CRPPA: variants seen among roughly 807,000 people sequenced by gnomAD.
CRPPA encodes the protein CDP-L-ribitol pyrophosphorylase A.
Under a neutral mutation model 52.0 loss-of-function variants are expected in CRPPA, and 43 were observed. The ratio of observed to expected loss-of-function variants is 0.83; its 90% CI spans 0.65 to 1.07. The LOEUF is 1.07. CRPPA is among the 50% of genes least tolerant of loss of function. The pLI is 0.00. For missense variants in CRPPA, 629 were observed against 551.7 expected, an observed-to-expected ratio of 1.14 and a Z score of -1.40; for synonymous variants, 250 against 203.5, an observed-to-expected ratio of 1.23 and a Z score of -1.94.
At chr7:16,161,233 G>A (rs1014140211) in intron 9 of CRPPA, among the ~76,000 whole-genome samples, 1 of 152,170 alleles carries the variant, frequency 6.6e-6, no homozygotes, top group Non-Finnish European at 1.5e-5. Context: ...GAATAGGAGT[G>A]GTGAGAGAGG....
At chr7:16,170,848 C>G (rs1781167382) in intron 9 of CRPPA, among the ~76,000 whole-genome samples, 1 of 152,220 alleles carries the variant, frequency 6.6e-6, no homozygotes, top group Non-Finnish European at 1.5e-5. Flanking sequence ...TTGCGCAGCG[C>G]CGGCAGCCGC....
intron 2 of CRPPA, among the ~76,000 whole-genome samples, chr7:16,389,822 G>A (rs1034037927): frequency 2.7e-5 from 4 of 149,072 alleles, no homozygotes; most frequent in Non-Finnish European, 5.9e-5. Flanking sequence ...CAGATTGCAT[G>A]ATCCTGTATA....
rs1196919795 is a variant in CRPPA, at chr7:16,421,170, C to T, written c.153G>A (p.Leu51=). Reference sequence around the variant, plus strand: ...TCCTCTCCCCGCACCCCCCGGCAGGCAACACAGCTGCCACGGCTTGCGGGT... The same window carrying T: ...TCCTCTCCCCGCACCCCCCGGCAGGTAACACAGCTGCCACGGCTTGCGGGT... ...GRHPQAVAAV[L]PAGGCGERMG... Residue 51 remains leucine, a synonymous_variant, in exon 1 of 10, where the codon TTG becomes TTA. Transcript: ENST00000407010. The T allele has an allele frequency of 7.5e-7, 1 of 1,339,830 alleles. No homozygotes were observed. The highest frequency in any genetic ancestry group is 3.1e-5 in the East Asian group (1 of 32,264). The allele number at this position is 1,339,830 out of a possible 1,614,324, so 83.0% of individuals were successfully genotyped here.
At chr7:16,250,393 G>A (rs370866628) in intron 8 of CRPPA, among the ~76,000 whole-genome samples, 11 of 152,170 alleles carry the variant, frequency 7.2e-5, no homozygotes, top group African/African-American at 1.7e-4. Flanking sequence ...CGTATTCCTC[G>A]AAAAGAGCAA....
chr7:16,248,794 A>T (rs1041555349), intron 8 of CRPPA, among the ~76,000 whole-genome samples: 6 of 152,088 alleles, frequency 3.9e-5, no homozygotes, highest in Admixed American at 2.0e-4. Context: ...GGGTCAGGGG[A>T]TTTCCCTTTC....
intron 9 of CRPPA, among the ~76,000 whole-genome samples, chr7:16,206,925 C>A (rs1781988164): frequency 6.6e-6 from 1 of 152,102 alleles, no homozygotes; most frequent in African/African-American, 2.4e-5. Flanking sequence ...TTAAAGTATA[C>A]TTCCTTACCA....
chr7:16,224,668 AC>A (rs1782603567), intron 8 of CRPPA, among the ~76,000 whole-genome samples: 1 of 152,156 alleles, frequency 6.6e-6, no homozygotes. Context: ...TGTTAATAAA[AC>A]CCAAAATCTT....
At chr7:16,398,997 C>A (rs977099923) in intron 2 of CRPPA, among the ~76,000 whole-genome samples, 2 of 152,228 alleles carry the variant, frequency 1.3e-5, no homozygotes, top group East Asian at 1.9e-4. Flanking sequence ...ATGTGATTGA[C>A]ACTTGACTGA....
chr7:16,414,350 A>AACACACACACACACAC (rs3085030), intron 1 of CRPPA, among the ~76,000 whole-genome samples: 3 of 138,658 alleles, frequency 2.2e-5, no homozygotes, highest in Non-Finnish European at 3.2e-5. Context: ...CCCCTACCCC[A>AACACACACACACACAC]ACACACACAC....
chr7:16,360,954 T>C (rs777209079), intron 3 of CRPPA, among the ~76,000 whole-genome samples: 1 of 152,170 alleles, frequency 6.6e-6, no homozygotes, highest in Non-Finnish European at 1.5e-5. Context: ...GAAGAGAATA[T>C]GTATAAATCA....
At chr7:16,191,650 T>C (rs1583418922) in intron 9 of CRPPA, among the ~76,000 whole-genome samples, 1 of 152,264 alleles carries the variant, frequency 6.6e-6, no homozygotes, top group African/African-American at 2.4e-5. Flanking sequence ...TTAGCTATAT[T>C]GGACTTTGAG....
At chr7:16,345,842 A>C (rs1186163565) in intron 3 of CRPPA, among the ~76,000 whole-genome samples, 2 of 152,174 alleles carry the variant, frequency 1.3e-5, no homozygotes, top group Admixed American at 1.3e-4. Flanking sequence ...CTACAACTAG[A>C]ACATTTGTTC....
intron 3 of CRPPA, among the ~76,000 whole-genome samples, chr7:16,361,509 A>C (rs1197474161): frequency 6.6e-6 from 1 of 152,224 alleles, no homozygotes; most frequent in Non-Finnish European, 1.5e-5. Flanking sequence ...GTATGTACAT[A>C]CAATGGAATG....
chr7:16,319,806 C>A (rs184904178), intron 3 of CRPPA, among the ~76,000 whole-genome samples: 5 of 152,230 alleles, frequency 3.3e-5, no homozygotes, highest in Admixed American at 2.0e-4. Context: ...CCGGTATAGA[C>A]AGAGAACTTC....
chr7:16,127,190 A>G (rs1490809428), intron 9 of CRPPA, among the ~76,000 whole-genome samples: 1 of 152,166 alleles, frequency 6.6e-6, no homozygotes, highest in Non-Finnish European at 1.5e-5. Flanking sequence ...ATTTTGCATT[A>G]TTCAACAACC....
chr7:16,300,076 T>C lies in CRPPA; in HGVS notation c.835+1345A>G, dbSNP rs139516256. Among the ~76,000 whole-genome samples, 101 of 152,338 alleles carry C rather than the reference T, an allele frequency of 6.6e-4. 1 individual carries two copies. Among genetic ancestry groups the C allele is most frequent in the African/African-American group, 2.3e-3 (96 of 41,576 alleles). On this transcript the variant is annotated intron_variant, in intron 5 of 9. Transcript: ENST00000407010. ...ATGTTTACACATTGCTTGGTTGATA[T>C]GTAAATATGTCAAGATTTTGATTTA...
intron 2 of CRPPA, among the ~76,000 whole-genome samples, chr7:16,387,411 A>T (rs1230885073): frequency 2.0e-5 from 3 of 152,078 alleles, no homozygotes. Context: ...AAACTCAAAA[A>T]ATTAGAAAAT....
Position 16,289,530 on chromosome 7 carries a change from CAAA to C in CRPPA, c.836-11307_836-11305del, listed in dbSNP as rs1304971002. Among the ~76,000 whole-genome samples, 5 of 152,254 alleles carry C rather than the reference CAAA, an allele frequency of 3.3e-5. No individual in the cohort carries two copies. In the South Asian group the frequency reaches 8.3e-4, roughly 25 times the overall value. ...GGGATGCAAGATGGTTCAACATATG[CAAA>C]TCCATAAATGTGATACATCACTATC... On this transcript the variant is annotated intron_variant, in intron 5 of 9. Coordinates refer to ENST00000407010, the MANE Select transcript of CRPPA (RefSeq NM_001101426.4).
intron 8 of CRPPA, among the ~76,000 whole-genome samples, chr7:16,253,384 G>A (rs1029111944): frequency 3.3e-5 from 5 of 152,172 alleles, no homozygotes; most frequent in Non-Finnish European, 7.3e-5. Context: ...TTCAGGAGCA[G>A]GTTGTTCAGT....
Sources: allele counts gnomAD v4.1 joint callset (sites outside exome capture counted in the v4.1 genomes callset), GRCh38; gene constraint gnomAD v4.1.1; transcripts MANE v1.5; gene names NCBI Gene and HGNC (gene_info 2026-07-23, HGNC 2026-07-21).